The following TMEM47 variants were observed in gnomAD, a reference collection of about 807,000 sequenced individuals.
TMEM47 encodes the protein brain cell membrane protein 1.
TMEM47 carries 3 observed loss-of-function variants against 12.4 expected under a neutral mutation model. The ratio of observed to expected loss-of-function variants is 0.24; its 90% CI spans 0.11 to 0.63. TMEM47 has a LOEUF of 0.63. Among genes scored for constraint, TMEM47 ranks in the 20% least tolerant of loss-of-function variants. The pLI, the probability that TMEM47 is intolerant of heterozygous loss-of-function variation, is 0.86. For missense variants in TMEM47, 89 were observed against 143.8 expected (o/e 0.62, Z 1.95); for synonymous variants, 62 against 63.3 (o/e 0.98, Z 0.10).
At chrX:34,630,657 AT>A (rs1362567681) in intron 2 of TMEM47, among the ~76,000 whole-genome samples, 166 bp from the exon 3 acceptor site, 1 of 110,867 alleles carries the variant, frequency 9.0e-6, no homozygotes, top group African/African-American at 3.3e-5. Context: ...AATACTAATA[AT>A]TTTTTTGTTT....
intron 1 of TMEM47, among the ~76,000 whole-genome samples, chrX:34,654,250 C>A (rs1355495349): frequency 6.2e-5 from 7 of 112,182 alleles, no homozygotes; most frequent in Non-Finnish European, 1.1e-4. Context: ...AATGCTCCTT[C>A]AGTAAATACA....
intron 2 of TMEM47, among the ~76,000 whole-genome samples, chrX:34,633,372 T>C (rs1296996431): frequency 9.0e-6 from 1 of 111,123 alleles, no homozygotes; most frequent in Admixed American, 9.7e-5. Context: ...TAGTGGGGAC[T>C]GAGCATTCCC....
intron 1 of TMEM47, among the ~76,000 whole-genome samples, chrX:34,650,060 A>ATC (rs1921988551): frequency 8.9e-6 from 1 of 112,383 alleles, no homozygotes; most frequent in Non-Finnish European, 1.9e-5. Context: ...CATCATGGAG[A>ATC]AACTTAAAGT....
chrX:34,647,938 C>G (rs944522316), intron 1 of TMEM47, among the ~76,000 whole-genome samples: 3 of 111,381 alleles, frequency 2.7e-5, no homozygotes, highest in African/African-American at 9.8e-5. Context: ...GAAGGCAATC[C>G]CATTTGCAAT....
At chrX:34,647,698 G>T (rs770344359) in intron 1 of TMEM47, among the ~76,000 whole-genome samples, 196 of 112,095 alleles carry the variant, frequency 1.7e-3, no homozygotes, top group Non-Finnish European at 2.7e-3. Context: ...AAATTGAAAT[G>T]TCAGTGCCTT....
At chrX:34,654,578 A>G (rs1408647685) in intron 1 of TMEM47, among the ~76,000 whole-genome samples, 2 of 111,832 alleles carry the variant, frequency 1.8e-5, no homozygotes, top group African/African-American at 6.5e-5. Flanking sequence ...TCAAATTCAC[A>G]TAACATAAGA....
chrX:34,640,956 G>A (rs1335892201), intron 1 of TMEM47, among the ~76,000 whole-genome samples: 3 of 111,239 alleles, frequency 2.7e-5, no homozygotes, highest in Non-Finnish European at 5.7e-5. Context: ...AAAGTGGAGA[G>A]CATCTTCTTA....
intron 1 of TMEM47, among the ~76,000 whole-genome samples, chrX:34,649,274 A>T (rs868525905): frequency 8.9e-6 from 1 of 111,785 alleles, no homozygotes; most frequent in South Asian, 3.7e-4. Context: ...AGCACAACTC[A>T]CAATAGCAGA....
At chrX:34,634,524 T>C (rs369626252) in intron 2 of TMEM47, among the ~76,000 whole-genome samples, 23 of 112,510 alleles carry the variant, frequency 2.0e-4, no homozygotes, top group African/African-American at 7.4e-4. Context: ...GACATGGCCC[T>C]CGCCCTTTGA....
intron 1 of TMEM47, among the ~76,000 whole-genome samples, chrX:34,648,867 C>A (rs1419010316): frequency 9.0e-6 from 1 of 111,667 alleles, no homozygotes; most frequent in Non-Finnish European, 1.9e-5. Context: ...TAAACAACCC[C>A]ATTAAGAACG....
intron 1 of TMEM47, among the ~76,000 whole-genome samples, chrX:34,649,681 C>T (rs1489673795): frequency 9.0e-6 from 1 of 110,816 alleles, no homozygotes; most frequent in Non-Finnish European, 1.9e-5. Flanking sequence ...AATAAACATG[C>T]ACATGTACCC....
rs1007259653 is a variant in TMEM47, at chrX:34,640,057, T to C, written c.227-670A>G. Among the ~76,000 whole-genome samples, 7 of 111,995 alleles carry C rather than the reference T, an allele frequency of 6.3e-5. 1 individual carries two copies. Among genetic ancestry groups the C allele is most frequent in the Admixed American group, 1.9e-4 (2 of 10,528 alleles). Reference sequence around the variant, plus strand: ...CTTAACCATATAAAAATCTCCAAAGTTTTTATTTGTCTCTCCTCCACTCCC... The same window carrying C: ...CTTAACCATATAAAAATCTCCAAAGCTTTTATTTGTCTCTCCTCCACTCCC... On this transcript the variant is annotated intron_variant, in intron 1 of 2. Coordinates refer to ENST00000275954, the MANE Select transcript of TMEM47 (RefSeq NM_031442.4).
chrX:34,644,487 T>C (rs1395439527), intron 1 of TMEM47, among the ~76,000 whole-genome samples: 1 of 111,984 alleles, frequency 8.9e-6, no homozygotes, highest in Non-Finnish European at 1.9e-5. Context: ...AGGATACATT[T>C]TCGATATTTT....
At chrX:34,645,365 G>T (rs1026973119) in intron 1 of TMEM47, among the ~76,000 whole-genome samples, 2 of 112,040 alleles carry the variant, frequency 1.8e-5, no homozygotes, top group East Asian at 5.6e-4. Flanking sequence ...TGTAACTAAA[G>T]AATTTATCTT....
At chrX:34,654,592 T>C (rs4408051) in intron 1 of TMEM47, among the ~76,000 whole-genome samples, 35,346 of 110,485 alleles carry the variant, frequency 0.32, 4,232 homozygotes, top group East Asian at 0.65. Context: ...CATAAGAAAG[T>C]ACATTTTGTA....
At chrX:34,632,763 G>A (rs1331007664) in intron 2 of TMEM47, among the ~76,000 whole-genome samples, 1 of 111,574 alleles carries the variant, frequency 9.0e-6, no homozygotes, top group Non-Finnish European at 1.9e-5. Flanking sequence ...CATATTGTAT[G>A]ACCCACACTT....
At position 34,640,598 on chromosome X, in the gene TMEM47, A is replaced by G. The variant is rs751794539; in HGVS notation, c.227-1211T>C. Among the ~76,000 whole-genome samples the G allele has an allele frequency of 2.7e-5, 3 of 111,510 alleles. No homozygotes were observed. The East Asian group carries it at 8.6e-4, about 32-fold the overall frequency. ...GTTTAATGTAAGTGCAGAAAATGCAAATGGATTTTAATCTATCATTAAATT... is the reference window on the plus strand; with the variant it reads ...GTTTAATGTAAGTGCAGAAAATGCAGATGGATTTTAATCTATCATTAAATT... On this transcript the variant is annotated intron_variant, in intron 1 of 2. Transcript: ENST00000275954.
rs189687464 is a variant in TMEM47 at position 34,647,110 on chromosome X, G to A, written c.227-7723C>T. Among the ~76,000 whole-genome samples the A allele has an allele frequency of 1.8e-3, 203 of 110,649 alleles. 3 individuals are homozygous for A. Among genetic ancestry groups the A allele is most frequent in the Admixed American group, 0.018 (182 of 10,379 alleles). ...CTCATTGAGTATATGTGAGAAGATG[G>A]GAAAATAGAGGGAAGCATTCGAATG... On this transcript the variant is annotated intron_variant, in intron 1 of 2. Transcript: ENST00000275954.
intron 1 of TMEM47, among the ~76,000 whole-genome samples, chrX:34,643,898 G>T (rs1921862258): frequency 9.1e-6 from 1 of 109,895 alleles, no homozygotes; most frequent in East Asian, 2.9e-4. Flanking sequence ...CGAATGGGAT[G>T]GGAGGCATGT....
Sources: allele counts gnomAD v4.1 joint callset (sites outside exome capture counted in the v4.1 genomes callset), GRCh38; gene constraint gnomAD v4.1.1; transcripts MANE v1.5; gene names NCBI Gene and HGNC (gene_info 2026-07-23, HGNC 2026-07-21).